MEIS2: variants seen among roughly 807,000 people sequenced by gnomAD.
MEIS2 encodes Meis homeobox 2, also known as homeobox protein Meis2.
MEIS2 carries 9 observed loss-of-function variants against 58.6 expected under a neutral mutation model. That is an observed-to-expected ratio of 0.15 (90% CI 0.09 to 0.27). The LOEUF is 0.27. Among genes scored for constraint, MEIS2 ranks in the 10% least tolerant of loss-of-function variants. MEIS2 has a pLI of 1.00. For synonymous variants in MEIS2, 221 were observed against 228.4 expected (o/e 0.97, Z 0.29); for missense variants, 427 against 635.0 (o/e 0.67, Z 3.52).
chr15:37,080,410 C>T (rs4244559), intron 7 of MEIS2, among the ~76,000 whole-genome samples: 100,854 of 151,918 alleles, frequency 0.66, 33,612 homozygotes, highest in Admixed American at 0.7. Context: ...CTCCCATCAG[C>T]GTTAATGGGA....
At chr15:36,909,352 C>T (rs574112306) in intron 9 of MEIS2, among the ~76,000 whole-genome samples, 1 of 151,892 alleles carries the variant, frequency 6.6e-6, no homozygotes, top group African/African-American at 2.4e-5. Flanking sequence ...ATTGACACTG[C>T]GTCAGGAATA....
At chr15:36,923,515 C>T (rs1382237774) in intron 9 of MEIS2, among the ~76,000 whole-genome samples, 1 of 152,146 alleles carries the variant, frequency 6.6e-6, no homozygotes, top group Non-Finnish European at 1.5e-5. Context: ...TGTGCAATGT[C>T]TTCCAAAGCA....
At chr15:37,045,895 ACAC>A (rs2062646894) in intron 7 of MEIS2, among the ~76,000 whole-genome samples, 2 of 152,168 alleles carry the variant, frequency 1.3e-5, no homozygotes, top group South Asian at 4.1e-4. Context: ...CACCTTTTTC[ACAC>A]TCAAAAGGGC....
At chr15:37,096,211 C>G (rs1219845894) in intron 3 of MEIS2, 78 bp downstream of exon 3, 5 of 1,445,762 alleles carry the variant, frequency 3.5e-6, no homozygotes, top group Non-Finnish European at 4.6e-6. Flanking sequence ...GGCCTTTCCT[C>G]CTTTCAAGTA....
chr15:36,895,488 C>T lies in MEIS2; in HGVS notation c.1037-227G>A, dbSNP rs1021632141. 4.6e-5 allele frequency among the ~76,000 whole-genome samples: 7 copies of T among 152,226 alleles called. No homozygotes were observed. In the South Asian group the frequency reaches 8.3e-4, roughly 18 times the overall value. On this transcript the variant is annotated intron_variant, in intron 10 of 11. Transcript: ENST00000561208. ...TCACTGGCCAGTTTCCCAGGGGGTT[C>T]GTCCTCTGCAGCCCTTGCTTTTTTA...
chr15:36,959,795 A>G (rs1431690942), intron 8 of MEIS2, among the ~76,000 whole-genome samples: 1 of 152,196 alleles, frequency 6.6e-6, no homozygotes, highest in African/African-American at 2.4e-5. Flanking sequence ...TTTCATTAAC[A>G]TTTAATTTAT....
intron 9 of MEIS2, among the ~76,000 whole-genome samples, chr15:36,930,984 AG>A (rs2057955414): frequency 6.6e-6 from 1 of 152,186 alleles, no homozygotes; most frequent in South Asian, 2.1e-4. Context: ...AATTGCAGTG[AG>A]TAAGTGGTTT....
chr15:37,045,924 C>T (rs1194937494), intron 7 of MEIS2, among the ~76,000 whole-genome samples: 2 of 152,180 alleles, frequency 1.3e-5, no homozygotes, highest in Admixed American at 1.3e-4. Context: ...AAAAACAAGT[C>T]TTCATCGGCT....
intron 9 of MEIS2, among the ~76,000 whole-genome samples, chr15:36,919,686 A>C (rs938853574): frequency 6.6e-6 from 1 of 152,226 alleles, no homozygotes; most frequent in Non-Finnish European, 1.5e-5. Flanking sequence ...TCATAGCACT[A>C]ATTTCTATAA....
Position 37,095,073 on chromosome 15 carries a change from A to G in MEIS2, c.438+491T>C, listed in dbSNP as rs531820053. ...TGAATGCTGAGGCAGGGCCTTTGAA[A>G]GCGGATTTAAGTACTTTTAATATTG... On this transcript the variant is annotated intron_variant, in intron 4 of 11. Transcript: ENST00000561208. 295 of 168,958 alleles carry G rather than the reference A, an allele frequency of 1.7e-3. 1 individual carries two copies. Among genetic ancestry groups the G allele is most frequent in the Non-Finnish European group, 2.0e-3 (152 of 77,812 alleles). The allele number at this position is 168,958 out of a possible 1,614,324, so 10.5% of individuals were successfully genotyped here.
chr15:37,056,836 T>G (rs1313143041), intron 7 of MEIS2, among the ~76,000 whole-genome samples: 1 of 152,166 alleles, frequency 6.6e-6, no homozygotes, highest in East Asian at 1.9e-4. Flanking sequence ...AGGGTCCAGC[T>G]CCGAACCGCT....
intron 8 of MEIS2, among the ~76,000 whole-genome samples, chr15:37,033,605 A>G (rs2062022356): frequency 6.6e-6 from 1 of 152,260 alleles, no homozygotes; most frequent in Non-Finnish European, 1.5e-5. Context: ...AGAAATTTAC[A>G]TGAAATAATA....
intron 7 of MEIS2, among the ~76,000 whole-genome samples, chr15:37,066,800 G>A (rs535928598): frequency 2.6e-5 from 4 of 152,236 alleles, no homozygotes; most frequent in African/African-American, 9.6e-5. Context: ...TTGTAGAGAT[G>A]TGGTCTCACT....
At chr15:36,974,501 T>A (rs2141479387) in intron 8 of MEIS2, among the ~76,000 whole-genome samples, 1 of 152,338 alleles carries the variant, frequency 6.6e-6, no homozygotes, top group South Asian at 2.1e-4. Flanking sequence ...CACGTTAACA[T>A]TTACATATGA....
intron 8 of MEIS2, 27 bp downstream of exon 8, chr15:37,036,787 T>C: frequency 1.2e-6 from 2 of 1,602,408 alleles, no homozygotes; most frequent in South Asian, 2.3e-5. Context: ...AAAAACTATT[T>C]TTTTTTTCTC....
intron 7 of MEIS2, among the ~76,000 whole-genome samples, chr15:37,068,344 T>C (rs1233542307): frequency 6.6e-6 from 1 of 152,214 alleles, no homozygotes; most frequent in Non-Finnish European, 1.5e-5. Flanking sequence ...TACTCAATTC[T>C]ACCTAATAAA....
intron 9 of MEIS2, among the ~76,000 whole-genome samples, chr15:36,928,754 T>C (rs1055152481): frequency 6.6e-6 from 1 of 152,186 alleles, no homozygotes; most frequent in East Asian, 1.9e-4. Flanking sequence ...AAGAATGGTA[T>C]GATTAGAACA....
intron 8 of MEIS2, among the ~76,000 whole-genome samples, chr15:37,031,795 A>G (rs1248634268): frequency 6.7e-6 from 1 of 148,404 alleles, no homozygotes; most frequent in African/African-American, 2.5e-5. Context: ...AGGCAGCTGC[A>G]TACATAATAT....
intron 8 of MEIS2, among the ~76,000 whole-genome samples, chr15:37,001,013 C>G (rs1380997670): frequency 6.6e-6 from 1 of 152,110 alleles, no homozygotes; most frequent in East Asian, 1.9e-4. Flanking sequence ...CGACCAAATT[C>G]ATTGGTATTT....
Sources: gnomAD v4.1 joint callset for allele counts (sites outside exome capture counted in the v4.1 genomes callset) on GRCh38, gnomAD v4.1.1 for gene constraint, MANE v1.5 for transcripts, NCBI Gene and HGNC (gene_info 2026-07-23, HGNC 2026-07-21) for gene names.